Variants in PTPRQ observed in about 807,000 individuals in gnomAD.
The protein encoded by PTPRQ is phosphatidylinositol phosphatase PTPRQ.
Under a neutral mutation model 246.0 loss-of-function variants are expected in PTPRQ, and 199 were observed. The ratio of observed to expected loss-of-function variants is 0.81; its 90% CI spans 0.72 to 0.91. The LOEUF is 0.91. PTPRQ is among the 40% of genes least tolerant of loss of function. The pLI, the probability that PTPRQ is intolerant of heterozygous loss-of-function variation, is 0.00. For synonymous variants in PTPRQ, 869 were observed against 853.2 expected (o/e 1.02, Z -0.32); for missense variants, 2,624 against 2,528.4 (o/e 1.04, Z -0.81).
At chr12:80,654,895 A>C (rs1376091818) in intron 38 of PTPRQ, among the ~76,000 whole-genome samples, 1 of 151,706 alleles carries the variant, frequency 6.6e-6, no homozygotes, top group Non-Finnish European at 1.5e-5. Flanking sequence ...ATAATATATC[A>C]GTATATATAA....
chr12:80,515,280 A>G (rs1453866224), intron 17 of PTPRQ, among the ~76,000 whole-genome samples: 1 of 152,104 alleles, frequency 6.6e-6, no homozygotes, highest in Non-Finnish European at 1.5e-5. Flanking sequence ...TGGTTCCTGT[A>G]AAGTACTTAA....
intron 6 of PTPRQ, among the ~76,000 whole-genome samples, chr12:80,467,935 C>A (rs1157265268): frequency 2.6e-5 from 4 of 152,124 alleles, no homozygotes; most frequent in Admixed American, 6.5e-5. Context: ...TGCAGCAAAC[C>A]AACATGGCAC....
At chr12:80,533,927 ATGT>A in intron 17 of PTPRQ, 85 bp from the exon 18 acceptor site, 1 of 955,046 alleles carries the variant, frequency 1.0e-6, no homozygotes, top group Non-Finnish European at 1.4e-6. Context: ...CCATATATTA[ATGT>A]TGTTTACTTT....
rs572561092 is a variant in PTPRQ at position 80,635,018 on chromosome 12, C to T, written c.5860C>T (p.Leu1954=). The T allele has an allele frequency of 1.3e-6, 2 of 1,551,426 alleles. No homozygotes were observed. The highest frequency in any genetic ancestry group is 1.4e-5 in the African/African-American group (1 of 73,144). The part of the protein sequence containing the change: ...DAEIIDTKLK[L]DQLITVADLE... ...AGAAATTATTGACACTAAATTGAAG[C>T]TGGATCAGCTCATCACAGTGGCAGA... The change falls in exon 35 of 45, where the codon CTG becomes TTG. Residue 1954 remains leucine, a synonymous_variant. Transcript: ENST00000644991.
At chr12:80,642,905 G>A (rs1021702285) in intron 35 of PTPRQ, among the ~76,000 whole-genome samples, 1 of 112,652 alleles carries the variant, frequency 8.9e-6, no homozygotes, top group Non-Finnish European at 1.7e-5. Flanking sequence ...GGGCGACAGA[G>A]CGAGACTCCG....
intron 23 of PTPRQ, among the ~76,000 whole-genome samples, chr12:80,543,691 G>A (rs1012610767): frequency 1.3e-5 from 2 of 152,030 alleles, no homozygotes; most frequent in Non-Finnish European, 2.9e-5. Flanking sequence ...TTTACAAATT[G>A]AATAGTAAAA....
In PTPRQ at chr12:80,660,559, G is replaced by T. The variant is rs11114552; in HGVS notation, c.6192+2498G>T. Among the ~76,000 whole-genome samples, 13 of 152,128 alleles carry T rather than the reference G, an allele frequency of 8.5e-5. No individual in the cohort carries two copies. The East Asian group carries it at 2.5e-3, about 29-fold the overall frequency. On this transcript the variant is annotated intron_variant, in intron 39 of 44. Coordinates refer to ENST00000644991, the MANE Select transcript of PTPRQ (RefSeq NM_001145026.2). ...AAAAATGAAAATACTGTGATTTTAG[G>T]TATAAGAGGAAGGCTTATAATTAAT... is the stretch of plus-strand genomic sequence containing the variant.
chr12:80,641,903 CTCTCTT>C (rs965619567), intron 35 of PTPRQ, among the ~76,000 whole-genome samples: 1 of 148,580 alleles, frequency 6.7e-6, no homozygotes, highest in Admixed American at 6.7e-5. Flanking sequence ...CTCTCGCTCT[CTCTCTT>C]TCTCTCCCTC....
At chr12:80,654,825 A>G (rs1440790002) in intron 38 of PTPRQ, among the ~76,000 whole-genome samples, 4 of 152,044 alleles carry the variant, frequency 2.6e-5, no homozygotes, top group Non-Finnish European at 5.9e-5. Context: ...GCACCATTGC[A>G]TTCCATCCTG....
At chr12:80,542,914 T>A in intron 23 of PTPRQ, 33 bp downstream of exon 23, 1 of 1,268,836 alleles carries the variant, frequency 7.9e-7, no homozygotes, top group Non-Finnish European at 1.0e-6. Context: ...TGTTTATTTT[T>A]AAAAATCAGA....
At chr12:80,590,245 C>T (rs1043086832) in intron 26 of PTPRQ, among the ~76,000 whole-genome samples, 5 of 152,172 alleles carry the variant, frequency 3.3e-5, no homozygotes, top group Non-Finnish European at 5.9e-5. Context: ...ACAAATTCCT[C>T]CATTTGCATT....
Position 80,615,328 on chromosome 12 carries a change from A to G in PTPRQ, c.5164-872A>G, listed in dbSNP as rs78543315. Among the ~76,000 whole-genome samples the G allele has an allele frequency of 6.1e-3, 928 of 151,192 alleles. 10 individuals are homozygous for G. Among genetic ancestry groups the G allele is most frequent in the African/African-American group, 0.021 (865 of 41,438 alleles). On this transcript the variant is annotated intron_variant, in intron 29 of 44. Coordinates refer to ENST00000644991, the MANE Select transcript of PTPRQ (RefSeq NM_001145026.2). ...ATTAACTCAATAAAAACATTTTAAA[A>G]GTATCTAGAGTGTGGGAGGGTGGGC...
intron 17 of PTPRQ, chr12:80,525,920 TG>T (rs1282093514): frequency 1.3e-5 from 2 of 152,166 alleles, no homozygotes; most frequent in African/African-American, 2.4e-5. Context: ...AGGATCTTCC[TG>T]CGAGTTGGTG....
At chr12:80,640,914 A>T (rs966826675) in intron 35 of PTPRQ, among the ~76,000 whole-genome samples, 1 of 152,188 alleles carries the variant, frequency 6.6e-6, no homozygotes, top group African/African-American at 2.4e-5. Flanking sequence ...TTAAGTTTGC[A>T]CCTAGATTCC....
chr12:80,454,606 T>C, intron 3 of PTPRQ: 1 of 700,410 alleles, frequency 1.4e-6, no homozygotes, highest in South Asian at 1.5e-5. Flanking sequence ...CTGTGGTTTG[T>C]CATATATAGC....
At chr12:80,484,014 TG>T (rs1408580192) in intron 8 of PTPRQ, among the ~76,000 whole-genome samples, 51 of 151,396 alleles carry the variant, frequency 3.4e-4, no homozygotes, top group African/African-American at 1.2e-3. Context: ...TTTGTTTGTT[TG>T]TTTGTTTTTT....
intron 3 of PTPRQ, among the ~76,000 whole-genome samples, chr12:80,455,842 G>A (rs1009163853): frequency 3.3e-5 from 5 of 151,900 alleles, no homozygotes; most frequent in South Asian, 2.1e-4. Context: ...CTCGTGATTC[G>A]CCCACTTCTG....
At chr12:80,635,623 T>C (rs1192861062) in intron 35 of PTPRQ, among the ~76,000 whole-genome samples, 1 of 152,052 alleles carries the variant, frequency 6.6e-6, no homozygotes, top group Non-Finnish European at 1.5e-5. Context: ...AAAACATGTG[T>C]ACTAAATATG....
At chr12:80,536,599 C>G (rs1895995835) in intron 19 of PTPRQ, among the ~76,000 whole-genome samples, 1 of 152,168 alleles carries the variant, frequency 6.6e-6, no homozygotes, top group South Asian at 2.1e-4. Flanking sequence ...GATATAGTTA[C>G]AGATGTAATC....
Sources: gnomAD v4.1 joint callset for allele counts (sites outside exome capture counted in the v4.1 genomes callset) on GRCh38, gnomAD v4.1.1 for gene constraint, MANE v1.5 for transcripts, NCBI Gene and HGNC (gene_info 2026-07-23, HGNC 2026-07-21) for gene names.